Variants in NINL observed in about 807,000 individuals in gnomAD.
NINL encodes the protein ninein like, also known as ninein-like protein.
NINL carries 153 observed loss-of-function variants against 160.3 expected under a neutral mutation model. The ratio of observed to expected loss-of-function variants is 0.95; its 90% CI spans 0.84 to 1.09. The LOEUF (loss-of-function observed/expected upper bound fraction) is 1.09, where lower values mean the gene tolerates loss of function less well. NINL is among the 50% of genes least tolerant of loss of function. The probability of loss-of-function intolerance (pLI) is 0.00; values close to 1 mark genes in which losing one functional copy is unlikely to be tolerated. For missense variants in NINL, 1,829 were observed against 1,764.0 expected, an observed-to-expected ratio of 1.04 and a Z score of -0.66; for synonymous variants, 800 against 734.8, an observed-to-expected ratio of 1.09 and a Z score of -1.43.
intron 23 of NINL, among the ~76,000 whole-genome samples, chr20:25,455,259 C>T (rs2090638052): frequency 6.6e-6 from 1 of 152,170 alleles, no homozygotes; most frequent in Non-Finnish European, 1.5e-5. Flanking sequence ...CTCCTTCCAC[C>T]TCTATTCTCT....
chr20:25,501,475 C>T (rs1358424954), intron 7 of NINL, among the ~76,000 whole-genome samples: 6 of 152,122 alleles, frequency 3.9e-5, no homozygotes, highest in African/African-American at 1.4e-4. Context: ...GTGCGCTGGC[C>T]CAGGCAGAGG....
At chr20:25,491,643 G>A (rs2063641251) in intron 10 of NINL, 118 bp from the exon 11 acceptor site, 2 of 1,240,732 alleles carry the variant, frequency 1.6e-6, no homozygotes, top group Non-Finnish European at 2.2e-6. Flanking sequence ...CACGTGCAGG[G>A]CCGCCCTGCC....
At chr20:25,514,707 T>C (rs2064131991) in intron 3 of NINL, among the ~76,000 whole-genome samples, 1 of 152,198 alleles carries the variant, frequency 6.6e-6, no homozygotes, top group South Asian at 2.1e-4. Context: ...AGAGCACCGC[T>C]GCCCTGTGCA....
intron 3 of NINL, among the ~76,000 whole-genome samples, chr20:25,513,592 G>C (rs945185454): frequency 8.5e-5 from 13 of 152,230 alleles, no homozygotes; most frequent in African/African-American, 2.9e-4. Context: ...AATATAGTTT[G>C]ACTTTGTGTC....
intron 1 of NINL, among the ~76,000 whole-genome samples, chr20:25,563,946 T>C (rs1396562301): frequency 6.6e-6 from 1 of 151,990 alleles, no homozygotes; most frequent in Non-Finnish European, 1.5e-5. Context: ...TGGCTGGGCG[T>C]GGTGGGTCAT....
At chr20:25,474,039 G>A (rs1468155445) in intron 17 of NINL, among the ~76,000 whole-genome samples, 3 of 152,212 alleles carry the variant, frequency 2.0e-5, no homozygotes, top group African/African-American at 7.2e-5. Flanking sequence ...TTACACAGCA[G>A]GGGGAATGAA....
intron 1 of NINL, among the ~76,000 whole-genome samples, chr20:25,552,122 T>C (rs1311027665): frequency 1.3e-5 from 2 of 152,202 alleles, no homozygotes; most frequent in East Asian, 3.8e-4. Context: ...AACTCTCCCT[T>C]TGGCATAACC....
intron 1 of NINL, among the ~76,000 whole-genome samples, chr20:25,562,102 C>T (rs1323674987): frequency 3.0e-4 from 44 of 146,640 alleles, no homozygotes; most frequent in African/African-American, 8.7e-4. Flanking sequence ...CCCAGCCAGC[C>T]GCCCCGTCCG....
At chr20:25,465,896 C>T (rs756079620) in intron 19 of NINL, among the ~76,000 whole-genome samples, 10 of 152,188 alleles carry the variant, frequency 6.6e-5, no homozygotes, top group Non-Finnish European at 1.0e-4. Flanking sequence ...TATGAGGTAA[C>T]TACTGCTAAG....
chr20:25,470,384 G>A (rs1007031282), intron 17 of NINL, among the ~76,000 whole-genome samples: 6 of 152,230 alleles, frequency 3.9e-5, no homozygotes, highest in Non-Finnish European at 2.9e-5. Context: ...GTTTATAGCT[G>A]AACTGCTCCT....
At chr20:25,520,385 C>G (rs78883055) in intron 2 of NINL, among the ~76,000 whole-genome samples, 103 of 152,338 alleles carry the variant, frequency 6.8e-4, no homozygotes, top group African/African-American at 2.5e-3. Flanking sequence ...TGCATGAGCA[C>G]ACCTCTGTTG....
chr20:25,473,486 TAATA>T (rs1555846380), intron 17 of NINL, among the ~76,000 whole-genome samples: 1 of 100,826 alleles, frequency 9.9e-6, no homozygotes, highest in Non-Finnish European at 2.1e-5. Context: ...TAAAATAAAA[TAATA>T]AAATAAATAA....
chr20:25,463,191 AAC>A (rs988890466), intron 19 of NINL, among the ~76,000 whole-genome samples: 16 of 152,198 alleles, frequency 1.1e-4, no homozygotes, highest in African/African-American at 3.6e-4. Flanking sequence ...CCCTAGGAAA[AAC>A]ACACACACAT....
intron 1 of NINL, among the ~76,000 whole-genome samples, chr20:25,561,767 G>A (rs1365655191): frequency 1.4e-5 from 2 of 146,496 alleles, no homozygotes; most frequent in East Asian, 2.1e-4. Flanking sequence ...CAGCCGCCCC[G>A]TCTGAGAAGT....
intron 1 of NINL, among the ~76,000 whole-genome samples, chr20:25,568,360 C>T (rs1026712889): frequency 6.6e-5 from 10 of 151,554 alleles, no homozygotes; most frequent in African/African-American, 2.4e-4. Context: ...ATACTATAAA[C>T]TCCACACACA....
chr20:25,477,775 G>T (rs1306569974), intron 16 of NINL, among the ~76,000 whole-genome samples: 6 of 152,144 alleles, frequency 3.9e-5, no homozygotes, highest in Non-Finnish European at 8.8e-5. Context: ...GGTGCACAAG[G>T]GCCTGGATGC....
Position 25,512,999 on chromosome 20 carries a change from G to A in NINL, c.285C>T (p.Ser95=), listed in dbSNP as rs1403455906. The A allele has an allele frequency of 1.3e-6, 2 of 1,595,586 alleles. No homozygotes were observed. The highest frequency in any genetic ancestry group is 1.1e-5 in the South Asian group (1 of 89,928). Residue 95 remains serine, a synonymous_variant, in exon 4 of 24, where the codon TCC becomes TCT. Transcript: ENST00000278886. ...TCACATACTTTGGAGGGATGGCACT[G>A]GAGGCAGCTGGAAAGGAAACAGGAA... is the stretch of plus-strand genomic sequence containing the variant. ...EDSSSLESAA[S]SAIPPKYVNG...
intron 10 of NINL, among the ~76,000 whole-genome samples, chr20:25,493,640 C>A (rs938691148): frequency 2.0e-5 from 3 of 152,070 alleles, no homozygotes; most frequent in Admixed American, 6.5e-5. Flanking sequence ...CCCCCAGGGG[C>A]CGGGGGGCAT....
chr20:25,517,161 C>A (rs1000742386), intron 3 of NINL, among the ~76,000 whole-genome samples: 5 of 152,146 alleles, frequency 3.3e-5, no homozygotes, highest in African/African-American at 1.2e-4. Context: ...TACTGCCACA[C>A]ACCCCTCCTG....
Sources: gnomAD v4.1 joint callset for allele counts (sites outside exome capture counted in the v4.1 genomes callset) on GRCh38, gnomAD v4.1.1 for gene constraint, MANE v1.5 for transcripts, NCBI Gene and HGNC (gene_info 2026-07-23, HGNC 2026-07-21) for gene names.